ZNF132: variants seen among roughly 807,000 people sequenced by gnomAD.
The protein encoded by ZNF132 is zinc finger protein 132 (clone pHZ-12).
In ZNF132, 6 loss-of-function variants were observed where a neutral mutation model predicts 9.3. That is an observed-to-expected ratio of 0.65 (90% CI 0.35 to 1.28). ZNF132 has a LOEUF of 1.28. Among genes scored for constraint, ZNF132 ranks in the 50% most tolerant of loss-of-function variants. The pLI is 0.03. For synonymous variants in ZNF132, 296 were observed against 292.0 expected (o/e 1.01, Z -0.14); for missense variants, 877 against 843.2 (o/e 1.04, Z -0.50).
At position 58,434,732 on chromosome 19, in the gene ZNF132, A is replaced by G. The variant is rs1374746260; in HGVS notation, c.712T>C (p.Cys238Arg). ...EVCTTQKLFE[C>R]SNCGKAFLKS... ...AGGAAGGCTTTTCCACAGTTGCTGC[A>G]CTCGAAGAGTTTCTGTGTGGTACAG... Residue 238 changes from cysteine (C) to arginine (R), a missense_variant, in exon 3 of 3, where the codon TGC becomes CGC. Physicochemically the swap from Cys to Arg is radical, Grantham distance 180. Transcript: ENST00000254166. 3 of 1,614,010 alleles carry G rather than the reference A, an allele frequency of 1.9e-6. No homozygotes were observed. The African/African-American group carries it at 4.0e-5, about 22-fold the overall frequency.
chr19:58,439,706 A>C, intron 1 of ZNF132, 53 bp downstream of exon 1: 2 of 1,483,746 alleles, frequency 1.3e-6, no homozygotes, highest in Non-Finnish European at 1.8e-6. Context: ...GGGCTTCAGG[A>C]TCCTGAGGGC....
rs1285693576 is a variant in ZNF132, at chr19:58,434,698, G to A, written c.746C>T (p.Ser249Phe). Residue 249 changes from serine (S) to phenylalanine (F), a missense_variant, in exon 3 of 3, where the codon TCC becomes TTC. Transcript: ENST00000254166. ...SNCGKAFLKS[S>F]TLPNHLRTHS... ...AGTTCTCAGATGGTTGGGGAGAGTG[G>A]AGCTCTTCAGGAAGGCTTTTCCACA... The A allele has an allele frequency of 1.2e-6, 2 of 1,614,172 alleles. No homozygotes were observed. Among genetic ancestry groups the A allele is most frequent in the South Asian group, 1.1e-5 (1 of 91,080 alleles).
At chr19:58,435,486 C>A in intron 2 of ZNF132, 1 of 340,348 alleles carries the variant, frequency 2.9e-6, no homozygotes. Context: ...GATATATACA[C>A]AAATGGCCAA....
At chr19:58,436,946 G>A in intron 2 of ZNF132, 101 bp downstream of exon 2, 1 of 1,526,436 alleles carries the variant, frequency 6.6e-7, no homozygotes, top group South Asian at 1.1e-5. Context: ...ACCCGAGAAG[G>A]AAGCAGTACC....
At position 58,440,110 on chromosome 19, in the gene ZNF132, C is replaced by G. The variant is rs565676662; in HGVS notation, c.-289G>C. ...CCGTGCCCTGGTGTGGCTCCAGAGG[C>G]CTGCTGTAGCCCAACCCACCAGCAG... On this transcript the variant is annotated 5_prime_UTR_variant, in exon 1 of 3. Coordinates refer to ENST00000254166, the MANE Select transcript of ZNF132 (RefSeq NM_003433.4). 5.1e-5 allele frequency: 23 copies of G among 453,558 alleles called. No homozygotes were observed. Among genetic ancestry groups the G allele is most frequent in the African/African-American group, 4.6e-4 (22 of 47,896 alleles). The allele number at this position is 453,558 out of a possible 1,614,324, so 28.1% of individuals were successfully genotyped here. A position where few individuals can be genotyped will look rare whatever the true frequency, so the allele number is the denominator to read the frequency against.
rs565931531 is a variant in ZNF132 at position 58,438,859 on chromosome 19, C to G, written c.63+900G>C. Among the ~76,000 whole-genome samples the G allele has an allele frequency of 3.5e-4, 53 of 152,082 alleles. No individual in the cohort carries two copies. The Middle Eastern group carries it at 0.01, about 29-fold the overall frequency. On this transcript the variant is annotated intron_variant, in intron 1 of 2. Transcript: ENST00000254166. ...GATCTCAGCTCAATGCAACCTCCAT[C>G]TCCCAGATTCAAACAGTTCTTCTGC...
chr19:58,435,589 C>A, intron 2 of ZNF132: 1 of 169,290 alleles, frequency 5.9e-6, no homozygotes, highest in Non-Finnish European at 1.3e-5. Context: ...ACTAGCATAG[C>A]TATAATAAAA....
At chr19:58,436,096 A>G (rs536241263) in intron 2 of ZNF132, among the ~76,000 whole-genome samples, 3 of 152,364 alleles carry the variant, frequency 2.0e-5, no homozygotes, top group African/African-American at 4.8e-5. Flanking sequence ...AGAAAAATAC[A>G]TAGTATTCTA....
At chr19:58,435,328 G>T in intron 2 of ZNF132, 117 bp from the exon 3 acceptor site, 1 of 1,120,948 alleles carries the variant, frequency 8.9e-7, no homozygotes, top group Non-Finnish European at 1.2e-6. Flanking sequence ...ATTGCTGACA[G>T]GCCAACAGGG....
chr19:58,437,667 C>G (rs2052780615), intron 1 of ZNF132: 1 of 970,516 alleles, frequency 1.0e-6, no homozygotes, highest in African/African-American at 1.8e-5. Context: ...ATATTTCCAA[C>G]CCCTCCCTGT....
chr19:58,435,919 A>G (rs1457249333), intron 2 of ZNF132, among the ~76,000 whole-genome samples: 1 of 152,184 alleles, frequency 6.6e-6, no homozygotes, highest in Non-Finnish European at 1.5e-5. Context: ...ATTTTTTTCT[A>G]ACACCTAAAA....
chr19:58,434,405 A>G lies in ZNF132; in HGVS notation c.1039T>C (p.Tyr347His). ...GCTTTCCCACATTCATCACACTCAT[A>G]AGGTCTTTCTCCTGAGTGAATTCTC... ...HQRIHSGERP[Y>H]ECDECGKAFS... The change falls in exon 3 of 3, where the codon TAT becomes CAT. Residue 347 changes from tyrosine (Y) to histidine (H), a missense_variant. Tyr to His is a moderately conservative substitution (Grantham distance 83). Coordinates refer to ENST00000254166, the MANE Select transcript of ZNF132 (RefSeq NM_003433.4). 1.3e-5 allele frequency: 21 copies of G among 1,614,236 alleles called. No individual in the cohort carries two copies. The highest frequency in any genetic ancestry group is 1.8e-5 in the Non-Finnish European group (21 of 1,180,034).
intron 2 of ZNF132, chr19:58,436,387 C>T (rs1260915865): frequency 6.5e-6 from 1 of 153,750 alleles, no homozygotes; most frequent in African/African-American, 2.4e-5. Context: ...TCACTGGGGG[C>T]TGGGCGTGGT....
Position 58,432,966 on chromosome 19 carries a change from A to T in ZNF132, c.*357T>A. On this transcript the variant is annotated 3_prime_UTR_variant, in exon 3 of 3. Transcript: ENST00000254166. ...AAGGAATGTGCATCTTCCTGAGCTC[A>T]AATTAGATTTCCCTCAAGGCCCCTC... is the stretch of plus-strand genomic sequence containing the variant. The T allele has an allele frequency of 5.8e-6, 1 of 173,022 alleles. No homozygotes were observed. 10.7% of individuals were successfully genotyped at this position (173,022 alleles called of 1,614,324 possible). A position where few individuals can be genotyped will look rare whatever the true frequency, so the allele number is the denominator to read the frequency against.
At position 58,433,571 on chromosome 19, in the gene ZNF132, T is replaced by C. The variant is rs780873510; in HGVS notation, c.1873A>G (p.Arg625Gly). Residue 625 changes from arginine (R) to glycine (G), a missense_variant, in exon 3 of 3, where the codon AGG becomes GGG. Physicochemically the swap from Arg to Gly is moderately radical, Grantham distance 125 (BLOSUM62 -2). Transcript: ENST00000254166. ...ICHWRVHTGE[R>G]PYECSECGRA... ...CCACATTCACTGCATTCGTAAGGCC[T>C]TTCTCCAGTGTGAACTCTCCAGTGA... 4.3e-5 allele frequency: 69 copies of C among 1,614,114 alleles called. No homozygotes were observed. Among genetic ancestry groups the C allele is most frequent in the Non-Finnish European group, 5.5e-5 (65 of 1,180,040 alleles).
Position 58,439,791 on chromosome 19 carries a change from C to T in ZNF132, c.31G>A (p.Gly11Arg). The change falls in exon 1 of 3, where the codon GGG becomes AGG. Residue 11 changes from glycine to arginine, a missense_variant. By Grantham distance (125) the Gly-to-Arg change is moderately radical. Transcript: ENST00000254166. ...GGGCCCATCAGCAACGCTGGCAACC[C>T]CATTAGAACCTGTGGGCTGGGCAGG... MALPSPQVLM[G>R]LPALLMGPAQ... 2.6e-6 allele frequency: 4 copies of T among 1,547,048 alleles called. No homozygotes were observed. Among genetic ancestry groups the T allele is most frequent in the Non-Finnish European group, 3.5e-6 (4 of 1,146,314 alleles).
Position 58,434,434 on chromosome 19 carries a change from T to C in ZNF132, c.1010A>G (p.His337Arg). Residue 337 changes from histidine (H) to arginine (R), a missense_variant, in exon 3 of 3, where the codon CAT becomes CGT. Transcript: ENST00000254166. ...TFNHKLTFVH[H>R]QRIHSGERPY... is the part of the protein sequence containing the mutation. ...TCTTTCTCCTGAGTGAATTCTCTGA[T>C]GATGAACAAATGTGAGTTTGTGGTT... The C allele has an allele frequency of 6.2e-7, 1 of 1,614,274 alleles. No individual in the cohort carries two copies. The highest frequency in any genetic ancestry group is 1.1e-5 in the South Asian group (1 of 91,090).
intron 2 of ZNF132, among the ~76,000 whole-genome samples, chr19:58,436,649 C>T (rs945781408): frequency 1.5e-4 from 17 of 115,604 alleles, no homozygotes; most frequent in Non-Finnish European, 3.2e-5. Flanking sequence ...GCCTGGGGGA[C>T]AGAGCAAGAC....
intron 2 of ZNF132, chr19:58,435,776 T>G (rs1272674635): frequency 2.0e-5 from 3 of 152,744 alleles, no homozygotes; most frequent in African/African-American, 7.2e-5. Flanking sequence ...CATAGCAGAA[T>G]TTTTTTAAAA....
Sources: allele counts gnomAD v4.1 joint callset (sites outside exome capture counted in the v4.1 genomes callset), GRCh38; gene constraint gnomAD v4.1.1; transcripts MANE v1.5; gene names NCBI Gene and HGNC (gene_info 2026-07-23, HGNC 2026-07-21).